The following ABCA13 variants were observed in gnomAD, a reference collection of about 807,000 sequenced individuals.
The protein encoded by ABCA13 is ATP binding cassette subfamily A member 13.
A neutral mutation model predicts 478.7 loss-of-function variants in ABCA13; 476 were observed. The observed-to-expected ratio is 0.99, with a 90% CI of 0.92 to 1.07. The LOEUF (loss-of-function observed/expected upper bound fraction) is 1.07. Among genes scored for constraint, ABCA13 ranks in the 50% least tolerant of loss-of-function variants. The pLI, the probability that ABCA13 is intolerant of heterozygous loss-of-function variation, is 0.00. For synonymous variants in ABCA13, 2,252 were observed against 2,158.9 expected (o/e 1.04, Z -1.20); for missense variants, 6,060 against 5,910.6 (o/e 1.03, Z -0.83).
intron 48 of ABCA13, among the ~76,000 whole-genome samples, chr7:48,501,883 A>G (rs992614958): frequency 1.1e-4 from 17 of 152,172 alleles, no homozygotes; most frequent in Non-Finnish European, 5.9e-5. Flanking sequence ...TGAGAGAGAC[A>G]CATACCTGTG....
intron 58 of ABCA13, among the ~76,000 whole-genome samples, chr7:48,608,079 C>T (rs1181299736): frequency 6.6e-6 from 1 of 152,064 alleles, no homozygotes; most frequent in African/African-American, 2.4e-5. Flanking sequence ...CAGGGTTTCA[C>T]CATGTTGGTC....
At chr7:48,187,622 C>G (rs1434877772) in intron 1 of ABCA13, among the ~76,000 whole-genome samples, 1 of 151,894 alleles carries the variant, frequency 6.6e-6, no homozygotes, top group Admixed American at 6.6e-5. Flanking sequence ...TTATTGTAAG[C>G]TGTTTCTTAT....
intron 52 of ABCA13, 108 bp downstream of exon 52, chr7:48,516,989 C>A: frequency 1.6e-6 from 2 of 1,212,920 alleles, no homozygotes; most frequent in Non-Finnish European, 2.3e-6. Flanking sequence ...AATGGAAATG[C>A]ATTGGTATCC....
chr7:48,232,489 C>CT (rs1789299008), intron 7 of ABCA13, among the ~76,000 whole-genome samples: 1 of 152,124 alleles, frequency 6.6e-6, no homozygotes, highest in Non-Finnish European at 1.5e-5. Context: ...ACAAAACATA[C>CT]TTTGAGAGGT....
chr7:48,523,476 A>G (rs1023165766), intron 53 of ABCA13, among the ~76,000 whole-genome samples: 6 of 152,136 alleles, frequency 3.9e-5, no homozygotes, highest in African/African-American at 1.4e-4. Flanking sequence ...TAATATAATA[A>G]TATATTACAT....
chr7:48,180,598 T>C (rs539939776), intron 1 of ABCA13, among the ~76,000 whole-genome samples: 33 of 152,082 alleles, frequency 2.2e-4, no homozygotes, highest in African/African-American at 7.7e-4. Context: ...TTTTTTTTTT[T>C]GTATTTTTAG....
intron 55 of ABCA13, among the ~76,000 whole-genome samples, chr7:48,566,296 T>A (rs1787056988): frequency 6.6e-6 from 1 of 152,144 alleles, no homozygotes; most frequent in African/African-American, 2.4e-5. Context: ...AAAAGCCACT[T>A]GAAGCTCACT....
intron 55 of ABCA13, among the ~76,000 whole-genome samples, chr7:48,574,863 C>T (rs1788017506): frequency 6.6e-6 from 1 of 152,044 alleles, no homozygotes. Flanking sequence ...ATAGATTTTT[C>T]TGCATTTTAT....
intron 1 of ABCA13, among the ~76,000 whole-genome samples, chr7:48,178,624 G>A (rs563686405): frequency 5.3e-5 from 8 of 151,486 alleles, no homozygotes; most frequent in African/African-American, 1.9e-4. Context: ...GCAGTGAGCC[G>A]AGCTCGCACC....
At chr7:48,425,664 C>G (rs1371270892) in intron 41 of ABCA13, among the ~76,000 whole-genome samples, 1 of 152,202 alleles carries the variant, frequency 6.6e-6, no homozygotes, top group African/African-American at 2.4e-5. Flanking sequence ...ATGCTACATG[C>G]CAGGCATCGT....
At position 48,338,170 on chromosome 7, in the gene ABCA13, A is replaced by C. The variant is rs368492859; in HGVS notation, c.10114-195A>C. The stretch of plus-strand genomic sequence containing the variant: ...ACAACATAAATTTTCATAATTGTTG[A>C]TTTTGTTTTTCAAGGTAAGCTTCTA... On this transcript the variant is annotated intron_variant, in intron 28 of 61. Coordinates refer to ENST00000435803, the MANE Select transcript of ABCA13 (RefSeq NM_152701.5). Among the ~76,000 whole-genome samples, 17 of 152,266 alleles carry C rather than the reference A, an allele frequency of 1.1e-4. No homozygotes were observed. In the East Asian group the frequency reaches 3.1e-3, roughly 28 times the overall value.
intron 3 of ABCA13, among the ~76,000 whole-genome samples, chr7:48,211,209 A>T (rs961554980): frequency 2.6e-5 from 4 of 152,204 alleles, no homozygotes; most frequent in East Asian, 3.8e-4. Context: ...TTAGGCATTT[A>T]TTCCAATCTT....
At chr7:48,351,207 T>G (rs906392512) in intron 30 of ABCA13, among the ~76,000 whole-genome samples, 1 of 152,230 alleles carries the variant, frequency 6.6e-6, no homozygotes, top group African/African-American at 2.4e-5. Flanking sequence ...CAGAGTATCT[T>G]GATATCCTGG....
chr7:48,187,715 G>GT (rs573208024), intron 1 of ABCA13, among the ~76,000 whole-genome samples: 5 of 150,158 alleles, frequency 3.3e-5, no homozygotes, highest in Admixed American at 1.3e-4. Context: ...TGATTTTTTT[G>GT]TTTTTTTTCT....
Position 48,364,200 on chromosome 7 carries a change from T to C in ABCA13, c.10689-3594T>C, listed in dbSNP as rs140379701. Among the ~76,000 whole-genome samples the C allele has an allele frequency of 5.9e-5, 9 of 152,282 alleles. No homozygotes were observed. In the East Asian group the frequency reaches 1.7e-3, roughly 29 times the overall value. On this transcript the variant is annotated intron_variant, in intron 31 of 61. Transcript: ENST00000435803. ...AGTGCTTCCTGAAAACATATGGATT[T>C]CTCACATAGCCTCCGTCTTCTGTTT... is the stretch of plus-strand genomic sequence containing the variant.
At chr7:48,519,284 A>C (rs73332067) in intron 52 of ABCA13, among the ~76,000 whole-genome samples, 80 of 152,268 alleles carry the variant, frequency 5.3e-4, no homozygotes, top group African/African-American at 1.9e-3. Flanking sequence ...ATATCTTTGG[A>C]ATAGAATGAT....
intron 48 of ABCA13, among the ~76,000 whole-genome samples, chr7:48,494,278 G>A (rs1230045226): frequency 6.6e-6 from 1 of 152,164 alleles, no homozygotes; most frequent in Non-Finnish European, 1.5e-5. Context: ...TGAGAAACCT[G>A]CTAAAATCTC....
At chr7:48,217,109 A>G (rs1786599888) in intron 3 of ABCA13, among the ~76,000 whole-genome samples, 1 of 152,258 alleles carries the variant, frequency 6.6e-6, no homozygotes, top group South Asian at 2.1e-4. Flanking sequence ...AAAGGAATAT[A>G]AATCATTATA....
intron 55 of ABCA13, among the ~76,000 whole-genome samples, chr7:48,570,601 G>A (rs966872859): frequency 6.6e-6 from 1 of 151,850 alleles, no homozygotes. Flanking sequence ...GGTATTACAG[G>A]TGTGAGCCAC....
Sources: allele counts gnomAD v4.1 joint callset (sites outside exome capture counted in the v4.1 genomes callset), GRCh38; gene constraint gnomAD v4.1.1; transcripts MANE v1.5; gene names NCBI Gene and HGNC (gene_info 2026-07-23, HGNC 2026-07-21).